The following R3HDM1 variants were observed in gnomAD, a reference collection of about 807,000 sequenced individuals.
R3HDM1 encodes R3H domain containing 1.
R3HDM1 carries 46 observed loss-of-function variants against 141.1 expected under a neutral mutation model. That is an observed-to-expected ratio of 0.33 (90% CI 0.26 to 0.42). R3HDM1 has a LOEUF of 0.42. R3HDM1 is among the 10% of genes least tolerant of loss of function. R3HDM1 has a pLI of 1.00. For missense variants in R3HDM1, 1,184 were observed against 1,368.3 expected, an observed-to-expected ratio of 0.87 and a Z score of 2.12; for synonymous variants, 435 against 472.9, an observed-to-expected ratio of 0.92 and a Z score of 1.04.
chr2:135,629,610 A>C (rs2062429918), intron 7 of R3HDM1, among the ~76,000 whole-genome samples: 1 of 152,236 alleles, frequency 6.6e-6, no homozygotes, highest in South Asian at 2.1e-4. Context: ...CTAAGAAAGA[A>C]TATAAGAATA....
intron 1 of R3HDM1, among the ~76,000 whole-genome samples, chr2:135,601,188 G>C (rs1215732061): frequency 6.6e-6 from 1 of 152,116 alleles, no homozygotes; most frequent in East Asian, 1.9e-4. Context: ...TTTTGTTTTT[G>C]GTGGAACTTA....
chr2:135,536,871 A>C (rs1323133267), intron 1 of R3HDM1: 2 of 253,002 alleles, frequency 7.9e-6, no homozygotes, highest in Non-Finnish European at 1.2e-5. Flanking sequence ...TGCAAACCTT[A>C]CTGTGAACTG....
intron 5 of R3HDM1, among the ~76,000 whole-genome samples, chr2:135,617,410 A>C: frequency 6.6e-6 from 1 of 152,154 alleles, no homozygotes; most frequent in East Asian, 1.9e-4. Flanking sequence ...TTTACCTTTT[A>C]GAAATTTCTC....
chr2:135,692,747 C>A (rs1461415855), intron 21 of R3HDM1, among the ~76,000 whole-genome samples: 2 of 151,848 alleles, frequency 1.3e-5, no homozygotes, highest in African/African-American at 4.8e-5. Flanking sequence ...TGGGAAGAAC[C>A]CCCAGGCAGA....
intron 1 of R3HDM1, 147 bp downstream of exon 1, chr2:135,531,780 G>A (rs942330729): frequency 2.0e-6 from 2 of 985,538 alleles, no homozygotes; most frequent in African/African-American, 1.7e-5. Flanking sequence ...TTCCCCGCCG[G>A]GTCGTCGGCG....
rs1174408408 is a variant in R3HDM1, at chr2:135,650,010, T to C, written c.1725+7T>C. ...CACCCAGCAATACTCTGTGGTACTATATCTCTATTCACCTCCTGCGTTGTT... is the reference window on the plus strand; with the variant it reads ...CACCCAGCAATACTCTGTGGTACTACATCTCTATTCACCTCCTGCGTTGTT... On this transcript the variant is annotated splice_region_variant and intron_variant, in intron 17 of 26. Coordinates refer to ENST00000683871, the MANE Select transcript of R3HDM1 (RefSeq NM_001378107.1). 2 of 1,257,882 alleles carry C rather than the reference T, an allele frequency of 1.6e-6. No individual in the cohort carries two copies. The highest frequency in any genetic ancestry group is 2.8e-5 in the South Asian group (2 of 71,960). The allele number at this position is 1,257,882 out of a possible 1,614,324, so 77.9% of individuals were successfully genotyped here.
intron 1 of R3HDM1, among the ~76,000 whole-genome samples, chr2:135,598,329 C>G (rs1211571873): frequency 6.6e-6 from 1 of 152,076 alleles, no homozygotes; most frequent in Non-Finnish European, 1.5e-5. Context: ...TCCTGGTGAC[C>G]ATTAATACAA....
At chr2:135,620,589 A>G (rs949794398) in intron 5 of R3HDM1, 1 of 981,994 alleles carries the variant, frequency 1.0e-6, no homozygotes, top group African/African-American at 1.8e-5. Flanking sequence ...ATTGGGGTAA[A>G]AAGTCTACGT....
At chr2:135,711,936 G>A (rs2075685003) in intron 23 of R3HDM1, among the ~76,000 whole-genome samples, 1 of 147,552 alleles carries the variant, frequency 6.8e-6, no homozygotes, top group Non-Finnish European at 1.5e-5. Context: ...TCCAGCCTGG[G>A]TGACAGAGCG....
intron 1 of R3HDM1, chr2:135,590,575 G>A: frequency 7.1e-6 from 7 of 985,342 alleles, no homozygotes; most frequent in Non-Finnish European, 7.2e-6. Context: ...TTGAATTTTT[G>A]TGTTTTGTGC....
chr2:135,582,496 C>G (rs778703844), intron 1 of R3HDM1, among the ~76,000 whole-genome samples: 91 of 152,108 alleles, frequency 6.0e-4, no homozygotes, highest in African/African-American at 1.8e-3. Flanking sequence ...GTTGAAATGC[C>G]TTGGTCGTTT....
At chr2:135,701,963 A>AC in intron 21 of R3HDM1, among the ~76,000 whole-genome samples, 1 of 151,996 alleles carries the variant, frequency 6.6e-6, no homozygotes, top group Non-Finnish European at 1.5e-5. Flanking sequence ...AATTCACTTA[A>AC]CATGTACATT....
intron 1 of R3HDM1, among the ~76,000 whole-genome samples, chr2:135,552,183 A>AT (rs1553521326): frequency 4.0e-5 from 6 of 151,514 alleles, no homozygotes; most frequent in Admixed American, 1.3e-4. Flanking sequence ...CTAATCCAGA[A>AT]TTTTTTTTTC....
chr2:135,710,403 G>A (rs939030212), intron 23 of R3HDM1, among the ~76,000 whole-genome samples, 172 bp downstream of exon 23: 1 of 152,122 alleles, frequency 6.6e-6, no homozygotes, highest in East Asian at 1.9e-4. Context: ...GAGGCACGGG[G>A]ATCACCCAGT....
chr2:135,632,252 A>G (rs1373968221), intron 9 of R3HDM1, among the ~76,000 whole-genome samples: 1 of 151,924 alleles, frequency 6.6e-6, no homozygotes, highest in African/African-American at 2.4e-5. Flanking sequence ...AGGACATAGT[A>G]TCAGTGATGT....
At chr2:135,711,476 A>T (rs1421034590) in intron 23 of R3HDM1, among the ~76,000 whole-genome samples, 1 of 151,620 alleles carries the variant, frequency 6.6e-6, no homozygotes, top group African/African-American at 2.4e-5. Flanking sequence ...AGCCTGGGTA[A>T]CATGGTGAAA....
At chr2:135,654,883 TG>T (rs1159389104) in intron 18 of R3HDM1, among the ~76,000 whole-genome samples, 1 of 150,880 alleles carries the variant, frequency 6.6e-6, no homozygotes, top group Non-Finnish European at 1.5e-5. Context: ...TGTGTGTGTG[TG>T]TGTGTGTGTG....
intron 19 of R3HDM1, chr2:135,669,549 G>T: frequency 1.0e-6 from 1 of 985,246 alleles, no homozygotes; most frequent in Non-Finnish European, 1.2e-6. Context: ...GCAAGGCCAG[G>T]TTCTGCTTAT....
intron 1 of R3HDM1, among the ~76,000 whole-genome samples, chr2:135,534,869 A>G (rs970992733): frequency 4.6e-5 from 7 of 152,172 alleles, no homozygotes; most frequent in African/African-American, 1.7e-4. Context: ...ACCTAATTAC[A>G]TCCATTTGAG....
Sources: allele counts gnomAD v4.1 joint callset (sites outside exome capture counted in the v4.1 genomes callset), GRCh38; gene constraint gnomAD v4.1.1; transcripts MANE v1.5; gene names NCBI Gene and HGNC (gene_info 2026-07-23, HGNC 2026-07-21).